Variants in SFT2D1 observed in about 807,000 individuals in gnomAD.
SFT2D1 encodes vesicle transport protein SFT2A.
Under a neutral mutation model 28.1 loss-of-function variants are expected in SFT2D1, and 24 were observed. The observed-to-expected ratio is 0.85, with a 90% confidence interval of 0.62 to 1.20. SFT2D1 has a LOEUF of 1.20. Ranked by LOEUF, SFT2D1 falls within the 50% of genes most tolerant of loss-of-function variation. SFT2D1 has a pLI of 0.00. For missense variants in SFT2D1, 181 were observed against 190.9 expected, an observed-to-expected ratio of 0.95 and a Z score of 0.31; for synonymous variants, 82 against 73.7, an observed-to-expected ratio of 1.11 and a Z score of -0.58.
chr6:166,328,299 A>G lies in SFT2D1; in HGVS notation c.292T>C (p.Leu98=). 6.3e-7 allele frequency: 1 copy of G among 1,594,936 alleles called. No homozygotes were observed. Among genetic ancestry groups the G allele is most frequent in the Non-Finnish European group, 8.5e-7 (1 of 1,171,658 alleles). Residue 98 remains leucine (L), a synonymous_variant, in exon 4 of 8, where the codon TTG becomes CTG. Transcript: ENST00000361731. ...QLKKMFEATR[L]LATIVMLLCF... is the part of the protein sequence containing the mutation. ...ACAAGCATAACAATTGTTGCAAGCA[A>G]TCTTGTTGCTTCAAACATTTTCTTC...
intron 5 of SFT2D1, among the ~76,000 whole-genome samples, chr6:166,325,287 CTG>C (rs1355072365): frequency 6.6e-6 from 1 of 151,862 alleles, no homozygotes; most frequent in Non-Finnish European, 1.5e-5. Flanking sequence ...AAAAAAAAAA[CTG>C]GAATATTTCT....
At chr6:166,334,303 A>G (rs1778605830) in intron 1 of SFT2D1, among the ~76,000 whole-genome samples, 2 of 152,144 alleles carry the variant, frequency 1.3e-5, no homozygotes, top group Admixed American at 6.5e-5. Flanking sequence ...GCTACACCAA[A>G]AATACCATAG....
At chr6:166,334,373 T>C (rs765056040) in intron 1 of SFT2D1, among the ~76,000 whole-genome samples, 1 of 152,220 alleles carries the variant, frequency 6.6e-6, no homozygotes, top group South Asian at 2.1e-4. Flanking sequence ...GGCAGGCGGA[T>C]TGCTTGAACC....
chr6:166,320,676 A>C (rs921229468), intron 7 of SFT2D1, among the ~76,000 whole-genome samples: 6 of 94,584 alleles, frequency 6.3e-5, no homozygotes, highest in Non-Finnish European at 1.2e-4. Context: ...CCACTACACT[A>C]ATTTTTTTTT....
intron 5 of SFT2D1, among the ~76,000 whole-genome samples, chr6:166,325,004 A>G (rs780806152): frequency 6.6e-6 from 1 of 152,204 alleles, no homozygotes; most frequent in Non-Finnish European, 1.5e-5. Flanking sequence ...TCCTTGAGTG[A>G]TATTTTGAAG....
At position 166,342,533 on chromosome 6, in the gene SFT2D1, C is replaced by T; in HGVS notation, c.-52G>A. ...GCCACTCTGTTGCCTGCCCCTGACG[C>T]CCACCAGGAAACCCCGAACCCGAAA... On this transcript the variant is annotated 5_prime_UTR_variant, in exon 1 of 8. Coordinates refer to ENST00000361731, the MANE Select transcript of SFT2D1 (RefSeq NM_145169.3). The T allele has an allele frequency of 6.9e-7, 1 of 1,459,640 alleles. No homozygotes were observed. Among genetic ancestry groups the T allele is most frequent in the South Asian group, 1.2e-5 (1 of 81,876 alleles). 90.4% of individuals were successfully genotyped at this position (1,459,640 alleles called of 1,614,324 possible). A position where few individuals can be genotyped will look rare whatever the true frequency, so the allele number is the denominator to read the frequency against.
intron 1 of SFT2D1, among the ~76,000 whole-genome samples, chr6:166,331,600 T>G (rs1778552945): frequency 6.6e-6 from 1 of 152,216 alleles, no homozygotes; most frequent in Admixed American, 6.5e-5. Flanking sequence ...ACATCTACAT[T>G]TCATTCTTAC....
chr6:166,321,333 G>A (rs903685916), intron 7 of SFT2D1, among the ~76,000 whole-genome samples: 1 of 152,276 alleles, frequency 6.6e-6, no homozygotes, highest in East Asian at 1.9e-4. Context: ...GCTCTCGAGT[G>A]TGGGATCCTG....
intron 1 of SFT2D1, among the ~76,000 whole-genome samples, chr6:166,336,736 A>C (rs930103115): frequency 1.1e-4 from 16 of 152,020 alleles, no homozygotes; most frequent in Non-Finnish European, 2.2e-4. Flanking sequence ...CGCTCAACTA[A>C]TTTTTTAATT....
chr6:166,342,071 C>A (rs1271568675), intron 1 of SFT2D1, among the ~76,000 whole-genome samples: 2 of 152,204 alleles, frequency 1.3e-5, no homozygotes, highest in Non-Finnish European at 2.9e-5. Flanking sequence ...GCTACTTACG[C>A]TGCACAGCCC....
In SFT2D1 at chr6:166,320,253, A is replaced by T; in HGVS notation, c.444T>A (p.Asp148Glu). 6.2e-7 allele frequency: 1 copy of T among 1,610,520 alleles called. No individual in the cohort carries two copies. Among genetic ancestry groups the T allele is most frequent in the South Asian group, 1.1e-5 (1 of 90,082 alleles). Residue 148 changes from aspartate (D) to glutamate (E), a missense_variant, in exon 8 of 8, where the codon GAT (aspartate) becomes GAA (glutamate). Physicochemically the swap from Asp to Glu is conservative, Grantham distance 45. Transcript: ENST00000361731. ...YSLSYIPYARDAVIKCCSSLL... is the reference protein window; with the variant it reads ...YSLSYIPYAREAVIKCCSSLL... ...GAGAAGAACAGCATTTAATAACTGC[A>T]TCCCTGGTGGAAAAGAGAGGGAAAA...
At chr6:166,339,247 C>G (rs1036925625) in intron 1 of SFT2D1, among the ~76,000 whole-genome samples, 2 of 152,128 alleles carry the variant, frequency 1.3e-5, no homozygotes, top group Admixed American at 1.3e-4. Context: ...CCTGTGAATC[C>G]TGTACCACTT....
At chr6:166,330,551 T>C (rs1778530820) in intron 1 of SFT2D1, among the ~76,000 whole-genome samples, 1 of 152,176 alleles carries the variant, frequency 6.6e-6, no homozygotes, top group Non-Finnish European at 1.5e-5. Context: ...ATAAGATATA[T>C]TATAAAATAT....
At chr6:166,321,128 A>G (rs575529394) in intron 7 of SFT2D1, among the ~76,000 whole-genome samples, 28 of 152,226 alleles carry the variant, frequency 1.8e-4, no homozygotes, top group African/African-American at 6.3e-4. Flanking sequence ...AAAAAGAACT[A>G]ATGAACTGAG....
At chr6:166,327,246 C>T (rs748953792) in intron 4 of SFT2D1, among the ~76,000 whole-genome samples, 4 of 152,134 alleles carry the variant, frequency 2.6e-5, no homozygotes, top group Non-Finnish European at 5.9e-5. Flanking sequence ...AAGAAATCCA[C>T]AAGAGACACA....
rs1778439950 is a variant in SFT2D1 at position 166,326,130 on chromosome 6, A to G, written c.351+2T>C. The G allele has an allele frequency of 6.2e-7, 1 of 1,613,824 alleles. No homozygotes were observed. The highest frequency in any genetic ancestry group is 1.7e-5 in the Admixed American group (1 of 60,006). On this transcript the variant is annotated splice_donor_variant, in intron 5 of 7. Coordinates refer to ENST00000361731, the MANE Select transcript of SFT2D1 (RefSeq NM_145169.3). LOFTEE classifies it high-confidence loss of function. ...AAAGCCAGTAGGGCTGACATAACTTACCCAAAGAGCAGCACACAGGGTAAA... is the reference window on the plus strand; with the variant it reads ...AAAGCCAGTAGGGCTGACATAACTTGCCCAAAGAGCAGCACACAGGGTAAA...
intron 7 of SFT2D1, 111 bp downstream of exon 7, chr6:166,322,745 AC>A (rs1778379966): frequency 8.3e-5 from 65 of 780,584 alleles, no homozygotes; most frequent in Middle Eastern, 3.8e-4. Context: ...ATTAAAATCA[AC>A]CAAAAAAAAA....
At chr6:166,331,305 C>T (rs1778544148) in intron 1 of SFT2D1, 1 of 152,570 alleles carries the variant, frequency 6.6e-6, no homozygotes, top group Non-Finnish European at 1.5e-5. Flanking sequence ...AGACTACATG[C>T]TTATATTTTC....
intron 5 of SFT2D1, among the ~76,000 whole-genome samples, chr6:166,325,268 C>A (rs2114893558): frequency 6.6e-6 from 1 of 152,048 alleles, no homozygotes; most frequent in East Asian, 1.9e-4. Flanking sequence ...GTCCTTACAT[C>A]ATCAAAATAA....
Sources: gnomAD v4.1 joint callset for allele counts (sites outside exome capture counted in the v4.1 genomes callset) on GRCh38, gnomAD v4.1.1 for gene constraint, MANE v1.5 for transcripts, NCBI Gene and HGNC (gene_info 2026-07-23, HGNC 2026-07-21) for gene names.